SNX31: variants seen among roughly 807,000 people sequenced by gnomAD.
The protein encoded by SNX31 is sorting nexin 31, also known as sorting nexin-31.
In SNX31, 58 loss-of-function variants were observed where a neutral mutation model predicts 65.4. The ratio of observed to expected loss-of-function variants is 0.89; its 90% CI spans 0.72 to 1.10. The LOEUF is 1.10. Among genes scored for constraint, SNX31 ranks in the 50% least tolerant of loss-of-function variants. The pLI is 0.00. For missense variants in SNX31, 523 were observed against 529.7 expected (o/e 0.99, Z 0.12); for synonymous variants, 181 against 190.1 (o/e 0.95, Z 0.39).
intron 4 of SNX31, among the ~76,000 whole-genome samples, chr8:100,628,652 A>C (rs1451829473): frequency 6.6e-6 from 1 of 152,094 alleles, no homozygotes; most frequent in Non-Finnish European, 1.5e-5. Context: ...ATGACGAGTT[A>C]ATGGGTGCAG....
At chr8:100,650,315 G>A (rs1819924568), upstream of SNX31, among the ~76,000 whole-genome samples, 1 of 152,200 alleles carries the variant, frequency 6.6e-6, no homozygotes, top group South Asian at 2.1e-4. Flanking sequence ...AGCCTGTTCT[G>A]TAGCAAGCCT....
intron 3 of SNX31, among the ~76,000 whole-genome samples, chr8:100,633,053 T>C (rs1818513937): frequency 6.6e-6 from 1 of 151,920 alleles, no homozygotes; most frequent in Admixed American, 6.6e-5. Context: ...GCCTTCCAAG[T>C]AGGTGCAGGC....
At chr8:100,635,350 T>C (rs7836795) in intron 3 of SNX31, among the ~76,000 whole-genome samples, 43,429 of 151,708 alleles carry the variant, frequency 0.29, 7,384 homozygotes, top group African/African-American at 0.47. Flanking sequence ...AGCTATCCTC[T>C]CACCTCAGCT....
intron 2 of SNX31, 79 bp from the exon 3 acceptor site, chr8:100,636,090 G>T: frequency 2.1e-6 from 2 of 965,600 alleles, no homozygotes; most frequent in South Asian, 2.8e-5. Flanking sequence ...TCTCCTTTAG[G>T]GCAAGTCCCA....
At chr8:100,658,514 A>C (rs1809708824) in intron 1 of SNX31, among the ~76,000 whole-genome samples, 1 of 152,220 alleles carries the variant, frequency 6.6e-6, no homozygotes, top group South Asian at 2.1e-4. Context: ...GGTACTTCCC[A>C]TGTGTCAGAC....
intron 12 of SNX31, among the ~76,000 whole-genome samples, chr8:100,577,701 C>T (rs1359875640): frequency 6.6e-6 from 1 of 152,202 alleles, no homozygotes; most frequent in Non-Finnish European, 1.5e-5. Flanking sequence ...ATTCTTACCA[C>T]CTCTAGGCCT....
Position 100,612,968 on chromosome 8 carries a change from C to A in SNX31, c.523+27G>T. On this transcript the variant is annotated intron_variant, in intron 6 of 13. Coordinates refer to ENST00000311812, the MANE Select transcript of SNX31 (RefSeq NM_152628.4). This position sits in a 1 kb window ranked among gnomAD's most constrained non-coding sequence, Gnocchi z 4.3. ...CACACCTGTCCACCCCATCTCCTAG[C>A]TGATTCATTTGTTCCTTCCTTCTTA... 1.2e-6 allele frequency: 2 copies of A among 1,602,372 alleles called. No individual in the cohort carries two copies. The highest frequency in any genetic ancestry group is 1.7e-6 in the Non-Finnish European group (2 of 1,169,446).
upstream of SNX31, among the ~76,000 whole-genome samples, chr8:100,651,007 C>T (rs537731829): frequency 1.3e-5 from 2 of 152,216 alleles, no homozygotes; most frequent in South Asian, 2.1e-4. Context: ...CATACGCCAC[C>T]ACACCCGGCT....
chr8:100,658,672 A>G (rs1247339422), intron 1 of SNX31, among the ~76,000 whole-genome samples: 3 of 152,222 alleles, frequency 2.0e-5, no homozygotes, highest in Non-Finnish European at 4.4e-5. Flanking sequence ...GGTAAGTCCC[A>G]CAGCCAGGAT....
chr8:100,645,740 T>G (rs2131285290), intron 2 of SNX31, among the ~76,000 whole-genome samples: 2 of 151,292 alleles, frequency 1.3e-5, no homozygotes, highest in South Asian at 4.2e-4. Context: ...GGCTCCTGAA[T>G]AGCTGGAATT....
At chr8:100,591,126 A>T (rs1397269494) in intron 10 of SNX31, among the ~76,000 whole-genome samples, 1 of 152,178 alleles carries the variant, frequency 6.6e-6, no homozygotes, top group Admixed American at 6.5e-5. Context: ...ATAACGATCT[A>T]CGCGTGTATA....
At chr8:100,579,515 C>T (rs1253542659) in intron 12 of SNX31, among the ~76,000 whole-genome samples, 2 of 152,224 alleles carry the variant, frequency 1.3e-5, no homozygotes, top group Admixed American at 6.5e-5. Context: ...GACTGCCATA[C>T]ACAGTTTTTC....
rs144757636 is a variant in SNX31, at chr8:100,604,196, T to A, written c.682-3755A>T. On this transcript the variant is annotated intron_variant, in intron 8 of 13. Transcript: ENST00000311812. The surrounding 1 kb of genome is among the most constrained non-coding windows in gnomAD (Gnocchi z 4.3). Reference sequence around the variant, plus strand: ...GTTACACGGTTCCCTGAACACTGGCTGAGAGGGGAGTATGCAGAATTGAAC... The same window carrying A: ...GTTACACGGTTCCCTGAACACTGGCAGAGAGGGGAGTATGCAGAATTGAAC... Among the ~76,000 whole-genome samples, 12 of 152,216 alleles carry A rather than the reference T, an allele frequency of 7.9e-5. No individual in the cohort carries two copies. The East Asian group carries it at 1.9e-3, about 25-fold the overall frequency.
chr8:100,574,897 G>A (rs1055955405), intron 13 of SNX31, among the ~76,000 whole-genome samples: 24 of 152,160 alleles, frequency 1.6e-4, no homozygotes, highest in Admixed American at 8.5e-4. Context: ...TGGCACCACC[G>A]CACTCCAGCC....
chr8:100,577,531 T>C (rs1039510475), intron 12 of SNX31, among the ~76,000 whole-genome samples: 1 of 152,174 alleles, frequency 6.6e-6, no homozygotes. Flanking sequence ...GTAAACCCAA[T>C]ATACCAGCAG....
chr8:100,659,978 T>C (rs1249268657), intron 1 of SNX31, among the ~76,000 whole-genome samples: 2 of 152,150 alleles, frequency 1.3e-5, no homozygotes, highest in Non-Finnish European at 2.9e-5. Context: ...TTTCTCTATA[T>C]AATGAAAAAG....
Position 100,649,331 on chromosome 8 carries a change from C to A in SNX31, c.84G>T (p.Leu28=). The change falls in exon 2 of 14, where the codon CTG becomes CTT. Residue 28 remains leucine, a synonymous_variant. Coordinates refer to ENST00000311812, the MANE Select transcript of SNX31 (RefSeq NM_152628.4). ...GCACCCTGCAGAAGAGGAACCCGTC[C>A]AGGTGCACGGAGTACAGCTGCAAAC... The part of the protein sequence containing the change: ...GGRYVLYSVH[L]DGFLFCRVRY... The A allele has an allele frequency of 6.2e-7, 1 of 1,614,078 alleles. No homozygotes were observed. The highest frequency in any genetic ancestry group is 1.1e-5 in the South Asian group (1 of 91,080).
chr8:100,619,998 T>C (rs1272815699), intron 4 of SNX31: 2 of 152,210 alleles, frequency 1.3e-5, no homozygotes, highest in African/African-American at 4.8e-5. Context: ...CCTGAATTTG[T>C]GTTGCGGAAA....
rs542608994 is a variant in SNX31 at position 100,604,315 on chromosome 8, G to A, written c.682-3874C>T. Among the ~76,000 whole-genome samples, 70 of 152,334 alleles carry A rather than the reference G, an allele frequency of 4.6e-4. No individual in the cohort carries two copies. Among genetic ancestry groups the A allele is most frequent in the African/African-American group, 1.6e-3 (67 of 41,580 alleles). On this transcript the variant is annotated intron_variant, in intron 8 of 13. Coordinates refer to ENST00000311812, the MANE Select transcript of SNX31 (RefSeq NM_152628.4). The surrounding 1 kb of genome is among the most constrained non-coding windows in gnomAD (Gnocchi z 4.3). ...TTAAAAATCAAGCAAAATCACATAAGCCATAGTCTTCCTGACCTTCAGTCT... is the reference window on the plus strand; with the variant it reads ...TTAAAAATCAAGCAAAATCACATAAACCATAGTCTTCCTGACCTTCAGTCT...
Sources: gnomAD v4.1 joint callset for allele counts (sites outside exome capture counted in the v4.1 genomes callset) on GRCh38, gnomAD v4.1.1 for gene constraint, Gnocchi (gnomAD v3.1) non-coding constraint, MANE v1.5 for transcripts, NCBI Gene and HGNC (gene_info 2026-07-23, HGNC 2026-07-21) for gene names.